KALRN: variants seen among roughly 807,000 people sequenced by gnomAD.
The protein encoded by KALRN is kalirin.
KALRN carries 70 observed loss-of-function variants against 353.7 expected under a neutral mutation model. That is an observed-to-expected ratio of 0.20 (90% confidence interval 0.16 to 0.24). The LOEUF is 0.24. Ranked by LOEUF, KALRN falls within the 10% of genes least tolerant of loss-of-function variation. The pLI is 1.00. For synonymous variants in KALRN, 1,391 were observed against 1,434.8 expected (o/e 0.97, Z 0.69); for missense variants, 2,791 against 3,756.7 (o/e 0.74, Z 6.72).
chr3:124,059,945 G>T (rs980962115), intron 1 of KALRN, among the ~76,000 whole-genome samples: 2 of 152,142 alleles, frequency 1.3e-5, no homozygotes, highest in Non-Finnish European at 2.9e-5. Context: ...TGCATAGTTT[G>T]GGAACCATGG....
intron 1 of KALRN, among the ~76,000 whole-genome samples, chr3:124,206,823 G>A (rs767428333): frequency 2.0e-5 from 3 of 152,136 alleles, no homozygotes; most frequent in Non-Finnish European, 4.4e-5. Context: ...ATGGGATGGG[G>A]AATTTCATGG....
intron 51 of KALRN, among the ~76,000 whole-genome samples, chr3:124,687,622 G>A (rs1434990301): frequency 7.9e-6 from 1 of 127,184 alleles, no homozygotes; most frequent in East Asian, 2.5e-4. Flanking sequence ...ATAGAGACCT[G>A]TACCCCCAAA....
chr3:124,238,061 G>C (rs2080003511), intron 3 of KALRN, among the ~76,000 whole-genome samples: 1 of 152,162 alleles, frequency 6.6e-6, no homozygotes, highest in Non-Finnish European at 1.5e-5. Flanking sequence ...TGTAGGCCAG[G>C]CCATATCTGG....
chr3:124,084,357 G>A (rs2332735), intron 1 of KALRN, among the ~76,000 whole-genome samples: 133,086 of 152,192 alleles, frequency 0.87, 59,158 homozygotes, highest in East Asian at 1. Flanking sequence ...TCTGCCTTCC[G>A]AATTCCCAAC....
chr3:124,270,574 C>T (rs1229312745), intron 5 of KALRN, among the ~76,000 whole-genome samples: 1 of 151,760 alleles, frequency 6.6e-6, no homozygotes, highest in Non-Finnish European at 1.5e-5. Context: ...TTTTTATATA[C>T]CTTTTGAATA....
intron 22 of KALRN, 123 bp from the exon 23 acceptor site, chr3:124,456,487 T>C: frequency 1.7e-6 from 1 of 604,604 alleles, no homozygotes; most frequent in South Asian, 2.1e-5. Context: ...GTCTGTAAGA[T>C]CCCTCATGTT....
intron 29 of KALRN, 32 bp from the exon 30 acceptor site, chr3:124,490,662 A>T: frequency 6.3e-7 from 1 of 1,598,352 alleles, no homozygotes; most frequent in Non-Finnish European, 8.5e-7. Context: ...GCAGTAGAGA[A>T]ACTCCACAGG....
At chr3:124,488,497 C>A in intron 29 of KALRN, 182 bp downstream of exon 29, 1 of 576,656 alleles carries the variant, frequency 1.7e-6, no homozygotes, top group Non-Finnish European at 3.1e-6. Flanking sequence ...ATTTGGCTAG[C>A]ACCCTGCTTC....
At chr3:124,511,377 C>T (rs1329330813) in intron 33 of KALRN, among the ~76,000 whole-genome samples, 1 of 152,224 alleles carries the variant, frequency 6.6e-6, no homozygotes, top group African/African-American at 2.4e-5. Flanking sequence ...TCATATACCA[C>T]ATCCTTGATC....
intron 1 of KALRN, among the ~76,000 whole-genome samples, chr3:124,226,131 T>A (rs2078474238): frequency 6.6e-6 from 1 of 152,186 alleles, no homozygotes; most frequent in African/African-American, 2.4e-5. Context: ...TAGTTAAAGA[T>A]CCTTGATCCT....
At chr3:124,494,267 C>T (rs1241829464) in intron 32 of KALRN, among the ~76,000 whole-genome samples, 3 of 152,336 alleles carry the variant, frequency 2.0e-5, no homozygotes, top group South Asian at 2.1e-4. Flanking sequence ...TCTTTAATTC[C>T]GTTATCTTGG....
intron 9 of KALRN, among the ~76,000 whole-genome samples, chr3:124,335,933 A>C (rs985285207): frequency 1.3e-5 from 2 of 152,146 alleles, no homozygotes; most frequent in Non-Finnish European, 2.9e-5. Context: ...CCAACTGTAC[A>C]TGTCTTTGGG....
At chr3:124,536,196 C>CTTTTTTTT (rs34435871) in intron 33 of KALRN, among the ~76,000 whole-genome samples, 7 of 99,150 alleles carry the variant, frequency 7.1e-5, no homozygotes, top group East Asian at 2.8e-4. Context: ...CATCCATACT[C>CTTTTTTTT]TTTTTTTTTT....
chr3:124,049,636 T>C (rs2040843666), intron 1 of KALRN, among the ~76,000 whole-genome samples: 1 of 152,220 alleles, frequency 6.6e-6, no homozygotes, highest in African/African-American at 2.4e-5. Context: ...TTGAGGACTG[T>C]ACATTTTTTC....
intron 49 of KALRN, among the ~76,000 whole-genome samples, chr3:124,676,281 C>G (rs1258484915): frequency 1.3e-5 from 2 of 152,170 alleles, no homozygotes; most frequent in Admixed American, 1.3e-4. Context: ...GTCAGCCGCT[C>G]TTGCAAAAGG....
chr3:124,303,802 C>T (rs951147928), intron 6 of KALRN, among the ~76,000 whole-genome samples: 3 of 152,074 alleles, frequency 2.0e-5, no homozygotes, highest in Non-Finnish European at 2.9e-5. Flanking sequence ...CTAATTTGCT[C>T]GCCAAAGGCA....
At chr3:124,342,103 C>T (rs2081797929) in intron 9 of KALRN, among the ~76,000 whole-genome samples, 1 of 151,806 alleles carries the variant, frequency 6.6e-6, no homozygotes. Flanking sequence ...GGTGAAAAGC[C>T]CTTTTGAGAA....
chr3:124,396,827 T>C (rs985590187), intron 12 of KALRN, among the ~76,000 whole-genome samples: 3 of 152,234 alleles, frequency 2.0e-5, no homozygotes, highest in African/African-American at 4.8e-5. Flanking sequence ...GAGAGTACCG[T>C]AGGCATATGA....
intron 1 of KALRN, among the ~76,000 whole-genome samples, chr3:124,058,541 C>T (rs1012330125): frequency 5.3e-5 from 8 of 152,162 alleles, no homozygotes; most frequent in African/African-American, 7.2e-5. Flanking sequence ...CCTCCAATTA[C>T]CTTTTTCTTC....
Sources: allele counts gnomAD v4.1 joint callset (sites outside exome capture counted in the v4.1 genomes callset), GRCh38; gene constraint gnomAD v4.1.1; transcripts MANE v1.5; gene names NCBI Gene and HGNC (gene_info 2026-07-23, HGNC 2026-07-21).